The following CDH6 variants were observed in gnomAD, a reference collection of about 807,000 sequenced individuals.
CDH6 encodes the protein cadherin 6.
A neutral mutation model predicts 78.0 loss-of-function variants in CDH6; 31 were observed. The observed-to-expected ratio is 0.40, with a 90% CI of 0.30 to 0.54. CDH6 has a LOEUF of 0.54. Among genes scored for constraint, CDH6 ranks in the 20% least tolerant of loss-of-function variants. CDH6 has a pLI of 0.56. For missense variants in CDH6, 724 were observed against 975.9 expected (o/e 0.74, Z 3.44); for synonymous variants, 376 against 368.8 (o/e 1.02, Z -0.23).
At chr5:31,302,958 G>A (rs112351136) in intron 6 of CDH6, among the ~76,000 whole-genome samples, 55,626 of 105,754 alleles carry the variant, frequency 0.53, 13,011 homozygotes, top group Non-Finnish European at 0.59. Flanking sequence ...AAAGAAAGAA[G>A]GAAAGAAAAG....
chr5:31,285,990 G>A (rs1021239990), intron 2 of CDH6, among the ~76,000 whole-genome samples: 3 of 152,108 alleles, frequency 2.0e-5, no homozygotes, highest in Non-Finnish European at 4.4e-5. Context: ...GTATATTTTT[G>A]ATCTACAGAA....
At chr5:31,291,510 A>G (rs1743161973) in intron 2 of CDH6, among the ~76,000 whole-genome samples, 1 of 152,194 alleles carries the variant, frequency 6.6e-6, no homozygotes, top group South Asian at 2.1e-4. Flanking sequence ...CATTTTGCAG[A>G]TAAGAATCCT....
At chr5:31,201,383 T>C (rs925289896) in intron 1 of CDH6, among the ~76,000 whole-genome samples, 20 of 152,054 alleles carry the variant, frequency 1.3e-4, no homozygotes, top group Admixed American at 1.3e-3. Context: ...AATCAGTGAT[T>C]CCCCAGGAGA....
At chr5:31,213,910 T>C (rs2111813464) in intron 1 of CDH6, among the ~76,000 whole-genome samples, 1 of 152,202 alleles carries the variant, frequency 6.6e-6, no homozygotes, top group East Asian at 1.9e-4. Context: ...TGCTAAACAT[T>C]TCAGCACCAG....
intron 1 of CDH6, among the ~76,000 whole-genome samples, chr5:31,252,763 TG>T (rs996519443): frequency 1.3e-5 from 2 of 150,488 alleles, no homozygotes; most frequent in East Asian, 1.9e-4. Flanking sequence ...AAGAGCTTTT[TG>T]TTTTTTTTTT....
intron 5 of CDH6, among the ~76,000 whole-genome samples, chr5:31,301,451 G>A (rs1737761618): frequency 6.6e-6 from 1 of 152,072 alleles, no homozygotes; most frequent in South Asian, 2.1e-4. Context: ...TTTTTAAAAA[G>A]TGTCTATATA....
chr5:31,214,450 G>C (rs1356125868), intron 1 of CDH6, among the ~76,000 whole-genome samples: 1 of 152,170 alleles, frequency 6.6e-6, no homozygotes, highest in Non-Finnish European at 1.5e-5. Context: ...AATCAGATCT[G>C]TGTCGCATAT....
At chr5:31,245,000 A>C (rs1741703762) in intron 1 of CDH6, among the ~76,000 whole-genome samples, 1 of 152,220 alleles carries the variant, frequency 6.6e-6, no homozygotes, top group Non-Finnish European at 1.5e-5. Context: ...CCTTACTAGC[A>C]ACTTTGACAC....
At chr5:31,320,768 A>G (rs1478474004) in intron 11 of CDH6, among the ~76,000 whole-genome samples, 2 of 152,142 alleles carry the variant, frequency 1.3e-5, no homozygotes, top group African/African-American at 4.8e-5. Flanking sequence ...ACTTGAGGTC[A>G]GGAGTTCGAG....
At position 31,287,219 on chromosome 5, in the gene CDH6, C is replaced by A. The variant is rs1561058428; in HGVS notation, c.229-6743C>A. Among the ~76,000 whole-genome samples the A allele has an allele frequency of 3.3e-5, 5 of 152,022 alleles. 1 individual carries two copies. The highest frequency in any genetic ancestry group is 1.5e-5 in the Non-Finnish European group (1 of 68,006). On this transcript the variant is annotated intron_variant, in intron 2 of 11. Transcript: ENST00000265071. ...CATGTGAAAGGAGGGAGACAAGGACCAAAGACACAGGCCTACAGGATACCA... is the reference window on the plus strand; with the variant it reads ...CATGTGAAAGGAGGGAGACAAGGACAAAAGACACAGGCCTACAGGATACCA...
At chr5:31,210,550 T>A (rs1245868984) in intron 1 of CDH6, among the ~76,000 whole-genome samples, 5 of 152,098 alleles carry the variant, frequency 3.3e-5, no homozygotes, top group Non-Finnish European at 7.4e-5. Flanking sequence ...ATTCTGATAC[T>A]AAGTGAAAAT....
intron 2 of CDH6, among the ~76,000 whole-genome samples, chr5:31,268,055 A>C (rs568991697): frequency 8.9e-4 from 135 of 152,304 alleles, no homozygotes; most frequent in African/African-American, 3.2e-3. Context: ...AGCTGTAAGG[A>C]AAGGAAGTCT....
chr5:31,325,858 A>G lies in CDH6; in HGVS notation c.*2550A>G. The G allele has an allele frequency of 4.3e-6, 1 of 231,632 alleles. No homozygotes were observed. The highest frequency in any genetic ancestry group is 8.5e-6 in the Non-Finnish European group (1 of 117,062). The allele number at this position is 231,632 out of a possible 1,614,324, so 14.3% of individuals were successfully genotyped here. A position where few individuals can be genotyped will look rare whatever the true frequency, so the allele number is the denominator to read the frequency against. ...TTGAGACTGGGGCTAAATATTTAGT[A>G]CCAGGGTACTGTAAGTATCAAGTTG... is the stretch of plus-strand genomic sequence containing the variant. On this transcript the variant is annotated 3_prime_UTR_variant, in exon 12 of 12. Transcript: ENST00000265071.
chr5:31,328,280 A>G lies in CDH6; in HGVS notation c.*4972A>G. ...GAGGCATGGACCCAGCCTTGTGGAA[A>G]AAGCATTCCACGCTAATGAGATCTT... On this transcript the variant is annotated 3_prime_UTR_variant, in exon 12 of 12. Transcript: ENST00000265071. 1 of 202,610 alleles carries G rather than the reference A, an allele frequency of 4.9e-6. No homozygotes were observed. Among genetic ancestry groups the G allele is most frequent in the African/African-American group, 2.3e-5 (1 of 43,374 alleles). 12.6% of individuals were successfully genotyped at this position (202,610 alleles called of 1,614,324 possible).
At position 31,326,531 on chromosome 5, in the gene CDH6, C is replaced by T; in HGVS notation, c.*3223C>T. ...TTCTTTCAGAACTTTCCTGCCTTTACAGTTTGTGTCCATAAAGGGATGTTC... is the reference window on the plus strand; with the variant it reads ...TTCTTTCAGAACTTTCCTGCCTTTATAGTTTGTGTCCATAAAGGGATGTTC... On this transcript the variant is annotated 3_prime_UTR_variant, in exon 12 of 12. Coordinates refer to ENST00000265071, the MANE Select transcript of CDH6 (RefSeq NM_004932.4). The T allele has an allele frequency of 5.2e-6, 1 of 193,442 alleles. No individual in the cohort carries two copies. The highest frequency in any genetic ancestry group is 1.9e-4 in the South Asian group (1 of 5,176). 12.0% of individuals were successfully genotyped at this position (193,442 alleles called of 1,614,324 possible). A position where few individuals can be genotyped will look rare whatever the true frequency, so the allele number is the denominator to read the frequency against.
In CDH6 at chr5:31,328,638, G is replaced by T. The variant is rs1738668577; in HGVS notation, c.*5330G>T. 4.8e-6 allele frequency: 1 copy of T among 207,062 alleles called. No homozygotes were observed. The highest frequency in any genetic ancestry group is 1.9e-4 in the South Asian group (1 of 5,296). 12.8% of individuals were successfully genotyped at this position (207,062 alleles called of 1,614,324 possible). ...ATTTGGCATTCTCCCACTGTGATTT[G>T]TGACTTTTAAACCCACAAAATAAAA... On this transcript the variant is annotated 3_prime_UTR_variant, in exon 12 of 12. Coordinates refer to ENST00000265071, the MANE Select transcript of CDH6 (RefSeq NM_004932.4).
intron 1 of CDH6, among the ~76,000 whole-genome samples, chr5:31,247,070 G>C (rs776311536): frequency 6.6e-6 from 1 of 152,078 alleles, no homozygotes; most frequent in Non-Finnish European, 1.5e-5. Context: ...TTTTAATTCC[G>C]CATTTTGGGT....
intron 1 of CDH6, among the ~76,000 whole-genome samples, chr5:31,212,218 C>T (rs1287064293): frequency 1.3e-5 from 2 of 152,158 alleles, no homozygotes; most frequent in Non-Finnish European, 2.9e-5. Context: ...CCACAAGGGG[C>T]CTAGCATGTG....
Position 31,317,667 on chromosome 5 carries a change from T to C in CDH6, c.1631-6T>C. ...ATACATTCACCACTTTGCTTTCCGG[T>C]TCCAGACAACACGGCGGGAATCTTA... On this transcript the variant is annotated splice_region_variant and splice_polypyrimidine_tract_variant and intron_variant, in intron 10 of 11. Coordinates refer to ENST00000265071, the MANE Select transcript of CDH6 (RefSeq NM_004932.4). 1 of 1,605,702 alleles carries C rather than the reference T, an allele frequency of 6.2e-7. No individual in the cohort carries two copies. The highest frequency in any genetic ancestry group is 1.1e-5 in the South Asian group (1 of 90,392).
Sources: gnomAD v4.1 joint callset for allele counts (sites outside exome capture counted in the v4.1 genomes callset) on GRCh38, gnomAD v4.1.1 for gene constraint, MANE v1.5 for transcripts, NCBI Gene and HGNC (gene_info 2026-07-23, HGNC 2026-07-21) for gene names.